Variants in TMTC1 observed in about 807,000 individuals in gnomAD.
The protein encoded by TMTC1 is protein O-mannosyl-transferase TMTC1.
A neutral mutation model predicts 104.8 loss-of-function variants in TMTC1; 73 were observed. The observed-to-expected ratio is 0.70, with a 90% CI of 0.58 to 0.85. TMTC1 has a LOEUF of 0.85. Among genes scored for constraint, TMTC1 ranks in the 40% least tolerant of loss-of-function variants. The pLI is 0.00. For missense variants in TMTC1, 1,035 were observed against 1,096.1 expected, an observed-to-expected ratio of 0.94 and a Z score of 0.79; for synonymous variants, 434 against 428.7, an observed-to-expected ratio of 1.01 and a Z score of -0.15.
intron 9 of TMTC1, among the ~76,000 whole-genome samples, chr12:29,559,266 C>T (rs1017606548): frequency 3.9e-5 from 6 of 152,152 alleles, no homozygotes; most frequent in African/African-American, 1.4e-4. Context: ...TCAATAAGAC[C>T]TTCCACCATG....
chr12:29,649,251 C>T (rs759038286), intron 5 of TMTC1, among the ~76,000 whole-genome samples: 2 of 152,122 alleles, frequency 1.3e-5, no homozygotes, highest in Non-Finnish European at 2.9e-5. Context: ...TATAGAAATT[C>T]CACGTGGGAT....
rs1390374330 is a variant in TMTC1, at chr12:29,502,783, C to G, written c.*4063G>C. The G allele has an allele frequency of 6.6e-6, 1 of 152,224 alleles. No homozygotes were observed. Among genetic ancestry groups the G allele is most frequent in the Admixed American group, 6.5e-5 (1 of 15,288 alleles). The allele number at this position is 152,224 out of a possible 1,614,324, so 9.4% of individuals were successfully genotyped here. On this transcript the variant is annotated 3_prime_UTR_variant, in exon 18 of 18. Coordinates refer to ENST00000539277, the MANE Select transcript of TMTC1 (RefSeq NM_001193451.2). ...CAAGCTCCCATTCCAGGTGTCAGCC[C>G]TGTAGTGGTTCTCCAGCCTAGCTGC...
At position 29,521,042 on chromosome 12, in the gene TMTC1, G is replaced by A. The variant is rs78287376; in HGVS notation, c.1786-322C>T. On this transcript the variant is annotated intron_variant, in intron 11 of 17. Coordinates refer to ENST00000539277, the MANE Select transcript of TMTC1 (RefSeq NM_001193451.2). ...GAAAAAGGACTGAAAATAGTTGTTC[G>A]AATAGGATGCCCTTCACCCCGGTGA... The A allele has an allele frequency of 5.1e-3, 962 of 187,184 alleles. 30 individuals are homozygous for A. The East Asian group carries it at 0.054, about 10-fold the overall frequency. 11.6% of individuals were successfully genotyped at this position (187,184 alleles called of 1,614,324 possible).
At chr12:29,663,086 G>T (rs1940110405) in intron 5 of TMTC1, among the ~76,000 whole-genome samples, 1 of 152,168 alleles carries the variant, frequency 6.6e-6, no homozygotes, top group South Asian at 2.1e-4. Context: ...ATTTACACAA[G>T]ATTTTGTGTG....
intron 5 of TMTC1, among the ~76,000 whole-genome samples, chr12:29,652,435 T>C (rs1487364066): frequency 6.6e-6 from 1 of 152,154 alleles, no homozygotes; most frequent in African/African-American, 2.4e-5. Flanking sequence ...TATACCAGGG[T>C]GCATAAAAGC....
At chr12:29,524,898 A>T (rs1394868982) in intron 11 of TMTC1, among the ~76,000 whole-genome samples, 1 of 152,178 alleles carries the variant, frequency 6.6e-6, no homozygotes, top group Non-Finnish European at 1.5e-5. Context: ...TTTATTGTTT[A>T]TAGAGGCATA....
chr12:29,529,615 A>C (rs191901754), intron 11 of TMTC1, among the ~76,000 whole-genome samples: 15 of 152,334 alleles, frequency 9.8e-5, no homozygotes, highest in Non-Finnish European at 4.4e-5. Context: ...TCTCCAAGAA[A>C]CTATTCAAGA....
At chr12:29,670,356 G>A (rs10771566) in intron 5 of TMTC1, among the ~76,000 whole-genome samples, 84,320 of 151,936 alleles carry the variant, frequency 0.55, 23,610 homozygotes, top group African/African-American at 0.63. Context: ...TCTAATGCCT[G>A]TAATCCTTAG....
At chr12:29,564,934 G>T (rs905659170) in intron 9 of TMTC1, among the ~76,000 whole-genome samples, 2 of 151,576 alleles carry the variant, frequency 1.3e-5, no homozygotes, top group Non-Finnish European at 2.9e-5. Flanking sequence ...GGAACCTTGA[G>T]CAGAAAAGAA....
At chr12:29,743,249 T>C (rs1251726455) in intron 5 of TMTC1, among the ~76,000 whole-genome samples, 2 of 152,194 alleles carry the variant, frequency 1.3e-5, no homozygotes, top group African/African-American at 2.4e-5. Context: ...CCAGGCACTC[T>C]GGCAGGAGTC....
chr12:29,539,483 A>C (rs1426377153), intron 10 of TMTC1, among the ~76,000 whole-genome samples: 1 of 152,164 alleles, frequency 6.6e-6, no homozygotes, highest in Admixed American at 6.6e-5. Flanking sequence ...CATATATAAA[A>C]ATCTTTATTA....
chr12:29,714,350 A>T (rs1453951352), intron 5 of TMTC1, among the ~76,000 whole-genome samples: 1 of 152,222 alleles, frequency 6.6e-6, no homozygotes, highest in Non-Finnish European at 1.5e-5. Context: ...GTTCCATCAC[A>T]TGGAATATTA....
At chr12:29,677,719 T>C (rs1410840176) in intron 5 of TMTC1, among the ~76,000 whole-genome samples, 1 of 152,238 alleles carries the variant, frequency 6.6e-6, no homozygotes, top group Non-Finnish European at 1.5e-5. Flanking sequence ...GTCCGGCATA[T>C]CCACTCTGTT....
intron 5 of TMTC1, among the ~76,000 whole-genome samples, chr12:29,673,019 A>G (rs1324838506): frequency 6.6e-6 from 1 of 152,258 alleles, no homozygotes; most frequent in African/African-American, 2.4e-5. Context: ...CACAAGAGCT[A>G]GAAAGTGGGG....
chr12:29,558,141 A>G (rs1945293483), intron 9 of TMTC1, among the ~76,000 whole-genome samples: 1 of 152,232 alleles, frequency 6.6e-6, no homozygotes, highest in South Asian at 2.1e-4. Flanking sequence ...ACACAGCTCC[A>G]TAATTTAATT....
chr12:29,774,526 T>C (rs1344674731), intron 1 of TMTC1, among the ~76,000 whole-genome samples: 1 of 152,198 alleles, frequency 6.6e-6, no homozygotes, highest in Non-Finnish European at 1.5e-5. Flanking sequence ...TCTCCAACAC[T>C]TTCAGCATGG....
intron 5 of TMTC1, 118 bp downstream of exon 5, chr12:29,751,548 G>T: frequency 9.9e-7 from 1 of 1,014,596 alleles, no homozygotes; most frequent in Non-Finnish European, 1.5e-6. Context: ...AGGGAAGCAT[G>T]AAGAGAGGGA....
intron 5 of TMTC1, among the ~76,000 whole-genome samples, chr12:29,728,060 C>G (rs1942446563): frequency 6.6e-6 from 1 of 152,206 alleles, no homozygotes; most frequent in Non-Finnish European, 1.5e-5. Context: ...AAAGTAGGAG[C>G]TTTATTGTGA....
chr12:29,593,197 G>C (rs767421852), intron 7 of TMTC1, among the ~76,000 whole-genome samples: 6 of 152,182 alleles, frequency 3.9e-5, no homozygotes, highest in African/African-American at 7.2e-5. Flanking sequence ...GAGCCTTTGT[G>C]ATTCATAGGA....
Sources: gnomAD v4.1 joint callset for allele counts (sites outside exome capture counted in the v4.1 genomes callset) on GRCh38, gnomAD v4.1.1 for gene constraint, MANE v1.5 for transcripts, NCBI Gene and HGNC (gene_info 2026-07-23, HGNC 2026-07-21) for gene names.